FAM24B: variants seen among roughly 807,000 people sequenced by gnomAD.
The protein encoded by FAM24B is family with sequence similarity 24 member B, also known as protein FAM24B.
In FAM24B, 3 loss-of-function variants were observed where a neutral mutation model predicts 2.3. The observed-to-expected ratio is 1.29, with a 90% CI of 0.59 to 3.32. FAM24B has a LOEUF of 3.32. FAM24B is among the 30% of genes most tolerant of loss of function. FAM24B has a pLI of 0.03. For synonymous variants in FAM24B, 36 were observed against 46.3 expected, an observed-to-expected ratio of 0.78 and a Z score of 0.90; for missense variants, 98 against 117.2, an observed-to-expected ratio of 0.84 and a Z score of 0.76.
At chr10:122,873,531 T>C (rs1443189249) in intron 1 of FAM24B, among the ~76,000 whole-genome samples, 1 of 152,264 alleles carries the variant, frequency 6.6e-6, no homozygotes, top group Non-Finnish European at 1.5e-5. Context: ...AATGTTTTCA[T>C]GTCTACCAAC....
intron 1 of FAM24B, among the ~76,000 whole-genome samples, chr10:122,870,548 G>C (rs932439966): frequency 1.3e-5 from 2 of 152,124 alleles, no homozygotes; most frequent in African/African-American, 4.8e-5. Flanking sequence ...TAAAATACTG[G>C]CAAACTGAAT....
chr10:122,865,663 T>G (rs1847792660), intron 1 of FAM24B, among the ~76,000 whole-genome samples: 1 of 152,186 alleles, frequency 6.6e-6, no homozygotes. Flanking sequence ...TGTGCTTCTA[T>G]TTTCTGGATA....
chr10:122,867,993 G>C (rs749014870), intron 1 of FAM24B, among the ~76,000 whole-genome samples: 1 of 152,116 alleles, frequency 6.6e-6, no homozygotes, highest in Non-Finnish European at 1.5e-5. Context: ...AAACTACTCC[G>C]AGCTAAAGGA....
Position 122,849,161 on chromosome 10 carries a change from T to C in FAM24B, c.*86A>G. On this transcript the variant is annotated 3_prime_UTR_variant, in exon 4 of 4. Coordinates refer to ENST00000368898, the MANE Select transcript of FAM24B (RefSeq NM_152644.3). ...ACACTGTAAATTATATAATCTCACA[T>C]AAAAACACTAGAACTTGATTTGAAT... The C allele has an allele frequency of 9.7e-7, 1 of 1,033,806 alleles. No individual in the cohort carries two copies. The highest frequency in any genetic ancestry group is 2.4e-5 in the South Asian group (1 of 42,376). The allele number at this position is 1,033,806 out of a possible 1,614,324, so 64.0% of individuals were successfully genotyped here.
chr10:122,875,081 A>G (rs1052129477), intron 1 of FAM24B, among the ~76,000 whole-genome samples: 1 of 152,144 alleles, frequency 6.6e-6, no homozygotes, highest in Non-Finnish European at 1.5e-5. Flanking sequence ...ACCATTATAC[A>G]TGTTATTACA....
Position 122,871,506 on chromosome 10 carries a change from T to C in FAM24B, c.-178+7979A>G, listed in dbSNP as rs1256742804. On this transcript the variant is annotated intron_variant, in intron 1 of 3. Coordinates refer to ENST00000368898, the MANE Select transcript of FAM24B (RefSeq NM_152644.3). The stretch of plus-strand genomic sequence containing the variant: ...CAATCCTAAGCCAAAAGAACAAAGC[T>C]GGAGGCATCACGCTACCTGACTTCA... Among the ~76,000 whole-genome samples the C allele has an allele frequency of 7.3e-5, 11 of 151,426 alleles. 1 individual carries two copies. In the East Asian group the frequency reaches 1.9e-3, roughly 27 times the overall value.
chr10:122,878,828 A>G (rs964730324), intron 1 of FAM24B, among the ~76,000 whole-genome samples: 7 of 151,548 alleles, frequency 4.6e-5, no homozygotes, highest in African/African-American at 1.7e-4. Context: ...AAAATGCTGT[A>G]GGCTTTCTGC....
chr10:122,868,868 G>C (rs1847846171), intron 1 of FAM24B, among the ~76,000 whole-genome samples: 1 of 152,206 alleles, frequency 6.6e-6, no homozygotes, highest in Admixed American at 6.5e-5. Context: ...GGAAGAAGCT[G>C]CATCAACTAT....
intron 1 of FAM24B, among the ~76,000 whole-genome samples, chr10:122,860,932 A>C (rs752303640): frequency 1.3e-5 from 2 of 152,128 alleles, no homozygotes; most frequent in Non-Finnish European, 2.9e-5. Flanking sequence ...CTCTGGATCT[A>C]AGCCCTTTAT....
intron 1 of FAM24B, among the ~76,000 whole-genome samples, chr10:122,860,751 T>C (rs978845376): frequency 6.6e-6 from 1 of 152,260 alleles, no homozygotes; most frequent in African/African-American, 2.4e-5. Flanking sequence ...TGGCTGTTAT[T>C]ATTTGATTTA....
At chr10:122,865,853 T>C (rs1004047187) in intron 1 of FAM24B, among the ~76,000 whole-genome samples, 8 of 152,070 alleles carry the variant, frequency 5.3e-5, no homozygotes, top group Non-Finnish European at 2.9e-5. Flanking sequence ...ATTGTATCTT[T>C]CAGGAAATTG....
At position 122,849,125 on chromosome 10, in the gene FAM24B, T is replaced by C. The variant is rs1396052172; in HGVS notation, c.*122A>G. 1.5e-6 allele frequency: 1 copy of C among 662,848 alleles called. No individual in the cohort carries two copies. Among genetic ancestry groups the C allele is most frequent in the Admixed American group, 3.9e-5 (1 of 25,880 alleles). 41.1% of individuals were successfully genotyped at this position (662,848 alleles called of 1,614,324 possible). A position where few individuals can be genotyped will look rare whatever the true frequency, so the allele number is the denominator to read the frequency against. ...TTAATAGTGTACATTTATTCAAAAG[T>C]ATATAAAACAACACTGTAAATTATA... On this transcript the variant is annotated 3_prime_UTR_variant, in exon 4 of 4. Coordinates refer to ENST00000368898, the MANE Select transcript of FAM24B (RefSeq NM_152644.3).
chr10:122,849,234 C>A lies in FAM24B; in HGVS notation c.*13G>T. The A allele has an allele frequency of 6.6e-7, 1 of 1,521,654 alleles. No individual in the cohort carries two copies. Among genetic ancestry groups the A allele is most frequent in the Non-Finnish European group, 8.8e-7 (1 of 1,130,432 alleles). The allele number at this position is 1,521,654 out of a possible 1,614,324, so 94.3% of individuals were successfully genotyped here. On this transcript the variant is annotated 3_prime_UTR_variant, in exon 4 of 4. Transcript: ENST00000368898. ...TATTGCTCATGAAGATTTTTGTGCC[C>A]ACCTTTCCTAACTCAGAGGCCCTCA...
At chr10:122,851,374 G>C (rs1847533155) in intron 2 of FAM24B, among the ~76,000 whole-genome samples, 1 of 152,192 alleles carries the variant, frequency 6.6e-6, no homozygotes, top group African/African-American at 2.4e-5. Context: ...AACATCCAAA[G>C]TTGAAGAGCT....
chr10:122,854,137 C>T (rs1442215135), intron 2 of FAM24B, among the ~76,000 whole-genome samples: 1 of 152,176 alleles, frequency 6.6e-6, no homozygotes, highest in African/African-American at 2.4e-5. Context: ...AGTGCAGTGA[C>T]TCAGACATAG....
intron 1 of FAM24B, among the ~76,000 whole-genome samples, chr10:122,871,631 C>T (rs1009807928): frequency 9.2e-5 from 14 of 152,024 alleles, no homozygotes; most frequent in Admixed American, 7.2e-4. Flanking sequence ...GAAATAATGC[C>T]GCGTATCTAC....
chr10:122,851,984 T>A (rs893694009), intron 2 of FAM24B, among the ~76,000 whole-genome samples: 1 of 152,168 alleles, frequency 6.6e-6, no homozygotes, highest in African/African-American at 2.4e-5. Context: ...AGGGCTTTCA[T>A]AGCAGATTGG....
rs997339059 is a variant in FAM24B at position 122,858,906 on chromosome 10, C to T, written c.-177-3120G>A. Among the ~76,000 whole-genome samples, 6 of 152,208 alleles carry T rather than the reference C, an allele frequency of 3.9e-5. No individual in the cohort carries two copies. In the South Asian group the frequency reaches 6.2e-4, roughly 16 times the overall value. ...GACTTCTGTGAGCAAAATCTGAACA[C>T]GGTTCCTCTAGGGATCTGACAATAT... On this transcript the variant is annotated intron_variant, in intron 1 of 3. Transcript: ENST00000368898.
intron 1 of FAM24B, among the ~76,000 whole-genome samples, chr10:122,875,955 C>T (rs760008497): frequency 1.3e-5 from 2 of 152,158 alleles, no homozygotes; most frequent in African/African-American, 4.8e-5. Context: ...CATACAGCCC[C>T]GCCCTAGTGC....
Sources: gnomAD v4.1 joint callset for allele counts (sites outside exome capture counted in the v4.1 genomes callset) on GRCh38, gnomAD v4.1.1 for gene constraint, MANE v1.5 for transcripts, NCBI Gene and HGNC (gene_info 2026-07-23, HGNC 2026-07-21) for gene names.